Variants in FCMR observed in about 807,000 individuals in gnomAD.
FCMR encodes the protein Fc mu receptor.
A neutral mutation model predicts 41.6 loss-of-function variants in FCMR; 34 were observed. The observed-to-expected ratio is 0.82, with a 90% CI of 0.62 to 1.09. FCMR has a LOEUF of 1.09. Among genes scored for constraint, FCMR ranks in the 50% least tolerant of loss-of-function variants. FCMR has a pLI of 0.00. For missense variants in FCMR, 496 were observed against 512.5 expected (o/e 0.97, Z 0.31); for synonymous variants, 209 against 211.8 (o/e 0.99, Z 0.12).
intron 1 of FCMR, among the ~76,000 whole-genome samples, chr1:206,920,519 C>T (rs1367957568): frequency 6.7e-6 from 1 of 149,026 alleles, no homozygotes; most frequent in African/African-American, 2.5e-5. Flanking sequence ...ACAGCATGGG[C>T]AAAGACATGG....
chr1:206,912,136 T>C (rs1380877628), intron 3 of FCMR, among the ~76,000 whole-genome samples, 184 bp from the exon 4 acceptor site: 2 of 152,180 alleles, frequency 1.3e-5, no homozygotes, highest in Non-Finnish European at 2.9e-5. Flanking sequence ...TCCAAGTATA[T>C]TTGCTTCAAA....
In FCMR at chr1:206,909,644, G is replaced by A; in HGVS notation, c.985+81C>T. 1 of 1,343,022 alleles carries A rather than the reference G, an allele frequency of 7.4e-7. No homozygotes were observed. The highest frequency in any genetic ancestry group is 9.5e-7 in the Non-Finnish European group (1 of 1,049,120). The allele number at this position is 1,343,022 out of a possible 1,614,324, so 83.2% of individuals were successfully genotyped here. A position where few individuals can be genotyped will look rare whatever the true frequency, so the allele number is the denominator to read the frequency against. On this transcript the variant is annotated intron_variant, in intron 6 of 7. Coordinates refer to ENST00000367091, the MANE Select transcript of FCMR (RefSeq NM_005449.5). This position sits in a 1 kb window ranked among gnomAD's most constrained non-coding sequence, Gnocchi z 5.0. ...ACCCTGTGGGAAGCCCTGGCACCTG[G>A]GAGCGCGCCCCGCTGCGCCCGGCTT...
At chr1:206,910,012 G>T in intron 5 of FCMR, 144 bp from the exon 6 acceptor site, 1 of 1,152,044 alleles carries the variant, frequency 8.7e-7, no homozygotes, top group Non-Finnish European at 1.2e-6. Context: ...TACGAGGCAC[G>T]GCCTTGCCCT....
intron 4 of FCMR, among the ~76,000 whole-genome samples, chr1:206,911,373 A>G (rs1678934118): frequency 6.6e-6 from 1 of 152,058 alleles, no homozygotes; most frequent in Non-Finnish European, 1.5e-5. Context: ...TAAATTTCCT[A>G]GTAGCCACAT....
chr1:206,911,310 C>G (rs557761856), intron 4 of FCMR, among the ~76,000 whole-genome samples: 2 of 152,148 alleles, frequency 1.3e-5, no homozygotes, highest in Non-Finnish European at 2.9e-5. Flanking sequence ...GGACTGCACC[C>G]CAGCCTTTAG....
Position 206,909,689 on chromosome 1 carries a change from T to C in FCMR, c.985+36A>G. On this transcript the variant is annotated intron_variant, in intron 6 of 7. Transcript: ENST00000367091. The surrounding 1 kb of genome is among the most constrained non-coding windows in gnomAD (Gnocchi z 5.0). ...CGGCTTTCCCGGAGCCAGCGCACTC[T>C]TTCCGCTACTCCCCGTGGCCCGCCC... 1 of 1,387,318 alleles carries C rather than the reference T, an allele frequency of 7.2e-7. No homozygotes were observed. The highest frequency in any genetic ancestry group is 9.2e-7 in the Non-Finnish European group (1 of 1,082,172). The allele number at this position is 1,387,318 out of a possible 1,614,324, so 85.9% of individuals were successfully genotyped here. A position where few individuals can be genotyped will look rare whatever the true frequency, so the allele number is the denominator to read the frequency against.
intron 1 of FCMR, among the ~76,000 whole-genome samples, chr1:206,917,553 G>A (rs1304808945): frequency 6.6e-6 from 1 of 152,074 alleles, no homozygotes; most frequent in Non-Finnish European, 1.5e-5. Context: ...TCTTTCTCTG[G>A]CTATTGGAGA....
chr1:206,912,320 T>G (rs1257970581), intron 3 of FCMR, among the ~76,000 whole-genome samples: 2 of 152,186 alleles, frequency 1.3e-5, no homozygotes, highest in Non-Finnish European at 2.9e-5. Context: ...GGCTACATGA[T>G]CTGTTCAATT....
At chr1:206,920,454 CAAAAA>C (rs10693146) in intron 1 of FCMR, among the ~76,000 whole-genome samples, 1 of 111,172 alleles carries the variant, frequency 9.0e-6, no homozygotes. Flanking sequence ...GACTCTGTCT[CAAAAA>C]AAAAAAAAAA....
intron 1 of FCMR, among the ~76,000 whole-genome samples, chr1:206,914,428 C>CT (rs1679100853): frequency 7.7e-6 from 1 of 129,940 alleles, no homozygotes; most frequent in African/African-American, 3.0e-5. Flanking sequence ...TCCTTCCTTC[C>CT]TTTCTTTTCT....
intron 1 of FCMR, among the ~76,000 whole-genome samples, chr1:206,919,072 C>T (rs975959): frequency 1.3e-5 from 2 of 152,146 alleles, no homozygotes; most frequent in African/African-American, 4.8e-5. Flanking sequence ...CCCCAAGCTT[C>T]CTCTCATCCC....
intron 7 of FCMR, chr1:206,907,923 CA>C: frequency 7.9e-7 from 1 of 1,264,158 alleles, no homozygotes; most frequent in Non-Finnish European, 1.2e-6. Context: ...TGGACCACCT[CA>C]AGGTGTTTGA....
chr1:206,910,048 C>A, intron 5 of FCMR, 162 bp downstream of exon 5: 2 of 1,112,602 alleles, frequency 1.8e-6, no homozygotes, highest in Non-Finnish European at 1.2e-6. Flanking sequence ...GGGCCCAGGC[C>A]GCTCTCCTCC....
At chr1:206,913,709 G>C (rs756347742) in intron 2 of FCMR, 50 bp downstream of exon 2, 10 of 1,474,284 alleles carry the variant, frequency 6.8e-6, no homozygotes, top group Admixed American at 1.7e-5. Context: ...ATCTTCCCAA[G>C]TGAAACATTT....
rs1037064576 is a variant in FCMR at position 206,921,681 on chromosome 1, T to G, written c.37+137A>C. 6.3e-6 allele frequency: 5 copies of G among 795,592 alleles called. No homozygotes were observed. In the African/African-American group the frequency reaches 8.5e-5, roughly 14 times the overall value. The allele number at this position is 795,592 out of a possible 1,614,324, so 49.3% of individuals were successfully genotyped here. A position where few individuals can be genotyped will look rare whatever the true frequency, so the allele number is the denominator to read the frequency against. On this transcript the variant is annotated intron_variant, in intron 1 of 7. Transcript: ENST00000367091. ...ATCCAACACCTCACATGGCCTCCAT[T>G]CTTGTCCTGCCCTAGGTGTTGGTTC...
In FCMR at chr1:206,909,648, C is replaced by T; in HGVS notation, c.985+77G>A. The T allele has an allele frequency of 7.4e-7, 1 of 1,343,722 alleles. No homozygotes were observed. Among genetic ancestry groups the T allele is most frequent in the South Asian group, 1.8e-5 (1 of 55,560 alleles). 83.2% of individuals were successfully genotyped at this position (1,343,722 alleles called of 1,614,324 possible). On this transcript the variant is annotated intron_variant, in intron 6 of 7. Coordinates refer to ENST00000367091, the MANE Select transcript of FCMR (RefSeq NM_005449.5). The surrounding 1 kb of genome is among the most constrained non-coding windows in gnomAD (Gnocchi z 5.0). ...TGTGGGAAGCCCTGGCACCTGGGAG[C>T]GCGCCCCGCTGCGCCCGGCTTTCCC...
chr1:206,905,235 A>T, intron 7 of FCMR, 88 bp from the exon 8 acceptor site: 2 of 1,468,406 alleles, frequency 1.4e-6, no homozygotes, highest in South Asian at 1.2e-5. Flanking sequence ...GCAATGGGGC[A>T]TGGACATGGC....
chr1:206,920,601 T>C (rs1438466045), intron 1 of FCMR, among the ~76,000 whole-genome samples: 1 of 152,054 alleles, frequency 6.6e-6, no homozygotes, highest in East Asian at 1.9e-4. Flanking sequence ...TTGGGGAGTA[T>C]GGTTGGCTCA....
At chr1:206,906,074 G>C (rs1678631880) in intron 7 of FCMR, 1 of 353,552 alleles carries the variant, frequency 2.8e-6, no homozygotes, top group South Asian at 2.8e-5. Context: ...ACTCAGTCAA[G>C]TAATCAGTGA....
Sources: gnomAD v4.1 joint callset for allele counts (sites outside exome capture counted in the v4.1 genomes callset) on GRCh38, gnomAD v4.1.1 for gene constraint, Gnocchi (gnomAD v3.1) non-coding constraint, MANE v1.5 for transcripts, NCBI Gene and HGNC (gene_info 2026-07-23, HGNC 2026-07-21) for gene names.